TUSC3: variants seen among roughly 807,000 people sequenced by gnomAD.
The protein encoded by TUSC3 is tumor suppressor candidate 3.
Under a neutral mutation model 44.8 loss-of-function variants are expected in TUSC3, and 45 were observed. That is an observed-to-expected ratio of 1.00 (90% confidence interval 0.79 to 1.29). The LOEUF is 1.29. Among genes scored for constraint, TUSC3 ranks in the 50% most tolerant of loss-of-function variants. TUSC3 has a pLI of 0.00. For missense variants in TUSC3, 519 were observed against 437.9 expected, an observed-to-expected ratio of 1.19 and a Z score of -1.65; for synonymous variants, 212 against 152.9, an observed-to-expected ratio of 1.39 and a Z score of -2.85.
chr8:15,662,020 G>T (rs548459708), intron 4 of TUSC3, 136 bp from the exon 5 acceptor site: 1 of 909,188 alleles, frequency 1.1e-6, no homozygotes, highest in Admixed American at 2.0e-5. Context: ...AATGAAAGTA[G>T]TGCTAGTGTC....
At chr8:15,572,459 A>G (rs1473830836) in intron 1 of TUSC3, among the ~76,000 whole-genome samples, 1 of 152,140 alleles carries the variant, frequency 6.6e-6, no homozygotes, top group African/African-American at 2.4e-5. Flanking sequence ...TATCCAAACT[A>G]TTTAAACTTT....
intron 2 of TUSC3, among the ~76,000 whole-genome samples, chr8:15,494,717 A>G (rs1161089841): frequency 2.0e-5 from 3 of 152,354 alleles, no homozygotes; most frequent in South Asian, 2.1e-4. Flanking sequence ...GTGGCATCAC[A>G]CAGAATATCC....
intron 7 of TUSC3, among the ~76,000 whole-genome samples, chr8:15,739,150 A>G (rs1811070699): frequency 6.6e-6 from 1 of 152,012 alleles, no homozygotes; most frequent in Admixed American, 6.6e-5. Context: ...GTTATTAAGA[A>G]TTTTTGTCAA....
intron 8 of TUSC3, among the ~76,000 whole-genome samples, chr8:15,746,834 A>G (rs1314371950): frequency 1.3e-5 from 2 of 152,122 alleles, no homozygotes; most frequent in African/African-American, 4.8e-5. Flanking sequence ...GTAATTAATT[A>G]TAGGTTTTTA....
intron 6 of TUSC3, among the ~76,000 whole-genome samples, chr8:15,697,193 A>AC (rs1809206469): frequency 6.6e-6 from 1 of 152,032 alleles, no homozygotes; most frequent in Non-Finnish European, 1.5e-5. Flanking sequence ...AATCTTGCTA[A>AC]TGGTCTATCA....
At chr8:15,738,474 C>A (rs1325781707) in intron 7 of TUSC3, among the ~76,000 whole-genome samples, 1 of 152,116 alleles carries the variant, frequency 6.6e-6, no homozygotes, top group African/African-American at 2.4e-5. Context: ...TTTATTGGAA[C>A]ACAGAAACAC....
At chr8:15,824,030 T>C in the TUSC3 span, among the ~76,000 whole-genome samples, 1 of 152,198 alleles carries the variant, frequency 6.6e-6, no homozygotes, top group African/African-American at 2.4e-5. Context: ...AAAAAATTTT[T>C]TAAATTTTTA....
intron 1 of TUSC3, among the ~76,000 whole-genome samples, chr8:15,593,064 A>G (rs552326569): frequency 3.1e-4 from 47 of 152,218 alleles, no homozygotes; most frequent in South Asian, 1.7e-3. Flanking sequence ...TAAACTCTTT[A>G]TTATATATTA....
chr8:15,540,795 T>G (rs1462806031), intron 1 of TUSC3, among the ~76,000 whole-genome samples: 1 of 152,200 alleles, frequency 6.6e-6, no homozygotes, highest in African/African-American at 2.4e-5. Flanking sequence ...TGACTGCTTC[T>G]GAGCACCTCA....
chr8:15,692,357 A>ACCCCCCCCCCCC (rs57593991), intron 6 of TUSC3, among the ~76,000 whole-genome samples: 1 of 88,134 alleles, frequency 1.1e-5, no homozygotes, highest in Non-Finnish European at 2.1e-5. Context: ...TTGGGAGGAG[A>ACCCCCCCCCCCC]CCCCCCCCCC....
Position 15,455,279 on chromosome 8 carries a change from T to G in TUSC3, n.92-28107T>G, listed in dbSNP as rs185369753. On this transcript the variant is annotated intron_variant and non_coding_transcript_variant, in intron 1 of 5. Transcript: ENST00000503191. The stretch of plus-strand genomic sequence containing the variant: ...ATAATCTAGGAAGCTTCTAATGTGG[T>G]TTTGTTTCGGGAGGCAAGAGAAAAG... 6.4e-4 allele frequency among the ~76,000 whole-genome samples: 97 copies of G among 152,234 alleles called. 1 individual carries two copies. Among genetic ancestry groups the G allele is most frequent in the African/African-American group, 2.3e-3 (95 of 41,544 alleles).
At position 15,655,061 on chromosome 8, in the gene TUSC3, T is replaced by C. The variant is rs2129177215; in HGVS notation, c.426+4247T>C. Among the ~76,000 whole-genome samples, 5 of 152,272 alleles carry C rather than the reference T, an allele frequency of 3.3e-5. 1 individual carries two copies. In the Middle Eastern group the frequency reaches 0.014, roughly 414 times the overall value. On this transcript the variant is annotated intron_variant, in intron 3 of 10. Coordinates refer to ENST00000503731, the MANE Select transcript of TUSC3 (RefSeq NM_006765.4). ...AGATGTTAGCTTTAGAGTAGGTAGC[T>C]ATGCAGACATGAGCAGGGCAGGAGA...
chr8:15,520,738 C>G (rs1454552767), intron 2 of TUSC3, among the ~76,000 whole-genome samples: 1 of 152,140 alleles, frequency 6.6e-6, no homozygotes, highest in African/African-American at 2.4e-5. Flanking sequence ...TTGTTATTGC[C>G]TTTACCCACA....
chr8:15,769,137 G>T (rs1202455525), downstream of TUSC3, among the ~76,000 whole-genome samples: 2 of 152,028 alleles, frequency 1.3e-5, no homozygotes, highest in Non-Finnish European at 2.9e-5. Flanking sequence ...AGCAAAAAAA[G>T]AACAAAGCTG....
chr8:15,434,597 T>A (rs1409221620), intron 1 of TUSC3, among the ~76,000 whole-genome samples: 1 of 151,186 alleles, frequency 6.6e-6, no homozygotes, highest in African/African-American at 2.4e-5. Flanking sequence ...TTGTTACATA[T>A]GTATACATGT....
the TUSC3 span, among the ~76,000 whole-genome samples, chr8:15,794,147 G>T: frequency 6.6e-6 from 1 of 152,176 alleles, no homozygotes; most frequent in Non-Finnish European, 1.5e-5. Context: ...ATGCAGTAGA[G>T]AATTAAACTT....
chr8:15,539,311 T>A (rs1007728889), upstream of TUSC3, among the ~76,000 whole-genome samples: 2 of 146,386 alleles, frequency 1.4e-5, no homozygotes, highest in Non-Finnish European at 3.0e-5. Context: ...CAGGCCCATA[T>A]CAAACGTTCA....
At chr8:15,678,168 A>G (rs1406942121) in intron 6 of TUSC3, among the ~76,000 whole-genome samples, 1 of 152,184 alleles carries the variant, frequency 6.6e-6, no homozygotes, top group Admixed American at 6.6e-5. Flanking sequence ...GAGCTGAGGT[A>G]TATATACGCC....
At chr8:15,846,751 G>C in the TUSC3 span, among the ~76,000 whole-genome samples, 3 of 152,118 alleles carry the variant, frequency 2.0e-5, no homozygotes, top group Non-Finnish European at 2.9e-5. Flanking sequence ...AATAGCGTTA[G>C]GAGAATTACC....
Sources: allele counts gnomAD v4.1 joint callset (sites outside exome capture counted in the v4.1 genomes callset), GRCh38; gene constraint gnomAD v4.1.1; transcripts MANE v1.5; gene names NCBI Gene and HGNC (gene_info 2026-07-23, HGNC 2026-07-21).